EYS: variants seen among roughly 807,000 people sequenced by gnomAD.
EYS encodes the protein protein eyes shut homolog.
In EYS, 250 loss-of-function variants were observed where a neutral mutation model predicts 282.1. The ratio of observed to expected loss-of-function variants is 0.89; its 90% CI spans 0.80 to 0.98. The LOEUF is 0.98. Among genes scored for constraint, EYS ranks in the 50% least tolerant of loss-of-function variants. EYS has a pLI of 0.00. For missense variants in EYS, 4,016 were observed against 3,709.0 expected, an observed-to-expected ratio of 1.08 and a Z score of -2.15; for synonymous variants, 1,355 against 1,282.9, an observed-to-expected ratio of 1.06 and a Z score of -1.20.
At chr6:65,452,268 T>C (rs994195580) in intron 5 of EYS, among the ~76,000 whole-genome samples, 1 of 151,760 alleles carries the variant, frequency 6.6e-6, no homozygotes. Context: ...GAAAACAATG[T>C]ATTTTGATTT....
intron 29 of EYS, among the ~76,000 whole-genome samples, chr6:64,327,806 A>G (rs964260069): frequency 7.2e-5 from 11 of 152,128 alleles, no homozygotes; most frequent in African/African-American, 2.2e-4. Context: ...GCACCAATTT[A>G]TCCATCCCTG....
At chr6:64,121,599 A>G (rs1773591527) in intron 31 of EYS, among the ~76,000 whole-genome samples, 2 of 152,320 alleles carry the variant, frequency 1.3e-5, no homozygotes, top group Admixed American at 6.5e-5. Flanking sequence ...TCACTTGTCT[A>G]TACAGAAGAC....
intron 26 of EYS, among the ~76,000 whole-genome samples, chr6:64,512,440 T>G (rs967241218): frequency 6.6e-6 from 1 of 151,898 alleles, no homozygotes; most frequent in Non-Finnish European, 1.5e-5. Context: ...ATTTTGACAA[T>G]GAAGACGGTA....
chr6:63,855,292 A>T (rs940183710), intron 36 of EYS, among the ~76,000 whole-genome samples: 1 of 152,210 alleles, frequency 6.6e-6, no homozygotes, highest in African/African-American at 2.4e-5. Flanking sequence ...GGCAATAATG[A>T]TGTATCTCCT....
intron 2 of EYS, among the ~76,000 whole-genome samples, chr6:65,576,690 C>T (rs1467021485): frequency 6.6e-6 from 1 of 151,730 alleles, no homozygotes; most frequent in Non-Finnish European, 1.5e-5. Context: ...CTAAAAACTC[C>T]ATCCAAAAAC....
Position 64,779,369 on chromosome 6 carries a change from C to T in EYS, c.3443+34009G>A, listed in dbSNP as rs1265540334. 3.9e-5 allele frequency among the ~76,000 whole-genome samples: 6 copies of T among 151,978 alleles called. No individual in the cohort carries two copies. The East Asian group carries it at 9.7e-4, about 25-fold the overall frequency. The stretch of plus-strand genomic sequence containing the variant: ...ATGGAGGACACTTAGACCCATATGG[C>T]TAAGTGAGGAAGCCAATCTGAAAAG... On this transcript the variant is annotated intron_variant, in intron 22 of 42. Coordinates refer to ENST00000503581, the MANE Select transcript of EYS (RefSeq NM_001142800.2).
At chr6:64,407,568 T>C (rs1773759708) in intron 28 of EYS, among the ~76,000 whole-genome samples, 1 of 152,188 alleles carries the variant, frequency 6.6e-6, no homozygotes, top group Non-Finnish European at 1.5e-5. Flanking sequence ...GGGCTTCTAA[T>C]TCCTCACAGG....
chr6:64,565,484 G>T (rs1234404839), intron 26 of EYS, among the ~76,000 whole-genome samples: 1 of 151,912 alleles, frequency 6.6e-6, no homozygotes, highest in African/African-American at 2.4e-5. Flanking sequence ...TTAACTTGGA[G>T]GACATTATAC....
At chr6:64,087,044 A>G (rs1772180001) in intron 31 of EYS, among the ~76,000 whole-genome samples, 1 of 152,196 alleles carries the variant, frequency 6.6e-6, no homozygotes, top group Admixed American at 6.5e-5. Context: ...GAATTTGGAT[A>G]CCATTAGTAG....
chr6:65,246,753 C>T (rs906391319), intron 12 of EYS, among the ~76,000 whole-genome samples: 1 of 152,090 alleles, frequency 6.6e-6, no homozygotes, highest in African/African-American at 2.4e-5. Context: ...CTCTTTCATA[C>T]GTTCTTCAAT....
chr6:65,261,271 A>G (rs1306736582), intron 12 of EYS, among the ~76,000 whole-genome samples: 2 of 151,934 alleles, frequency 1.3e-5, no homozygotes, highest in Non-Finnish European at 2.9e-5. Context: ...ATATTTATAC[A>G]TATATATTTA....
intron 13 of EYS, among the ~76,000 whole-genome samples, chr6:65,008,637 A>G (rs1218368157): frequency 1.3e-5 from 2 of 152,128 alleles, no homozygotes; most frequent in Non-Finnish European, 2.9e-5. Flanking sequence ...CCTTGTCCAT[A>G]CCCCTTATGT....
At chr6:65,336,361 TCA>T (rs1769989543) in intron 10 of EYS, among the ~76,000 whole-genome samples, 1 of 151,730 alleles carries the variant, frequency 6.6e-6, no homozygotes, top group Admixed American at 6.6e-5. Flanking sequence ...GTTAAAAAAA[TCA>T]GTTTTGATTT....
intron 13 of EYS, among the ~76,000 whole-genome samples, chr6:65,054,762 A>T (rs1773365973): frequency 6.9e-6 from 1 of 144,246 alleles, no homozygotes; most frequent in Admixed American, 6.7e-5. Context: ...GTACAGTTCC[A>T]TTGAACGTGT....
At chr6:64,248,648 A>G (rs1323752542) in intron 30 of EYS, among the ~76,000 whole-genome samples, 1 of 152,216 alleles carries the variant, frequency 6.6e-6, no homozygotes. Context: ...GGTAAATTGT[A>G]CAGCTTCTAT....
chr6:64,751,662 G>T (rs550090443), intron 22 of EYS, among the ~76,000 whole-genome samples: 1 of 152,326 alleles, frequency 6.6e-6, no homozygotes, highest in African/African-American at 2.4e-5. Context: ...TTCAGCCACT[G>T]TTGGCTCCTA....
chr6:64,550,203 G>T (rs1765027858), intron 26 of EYS, among the ~76,000 whole-genome samples: 1 of 152,092 alleles, frequency 6.6e-6, no homozygotes, highest in Non-Finnish European at 1.5e-5. Context: ...ACATACATGT[G>T]CATGTGTCTT....
chr6:65,420,078 G>A (rs1767396927), intron 5 of EYS, among the ~76,000 whole-genome samples: 1 of 151,932 alleles, frequency 6.6e-6, no homozygotes, highest in Non-Finnish European at 1.5e-5. Context: ...TGATGGATCA[G>A]GGTGGTGGTT....
chr6:64,887,317 G>T (rs2350283), intron 18 of EYS, among the ~76,000 whole-genome samples: 114,444 of 147,138 alleles, frequency 0.78, 44,650 homozygotes, highest in Admixed American at 0.81. Context: ...CATTGGGAGA[G>T]ATACCTAATA....
Sources: allele counts gnomAD v4.1 joint callset (sites outside exome capture counted in the v4.1 genomes callset), GRCh38; gene constraint gnomAD v4.1.1; transcripts MANE v1.5; gene names NCBI Gene and HGNC (gene_info 2026-07-23, HGNC 2026-07-21).